EYS: variants seen among roughly 807,000 people sequenced by gnomAD.
EYS encodes the protein protein eyes shut homolog.
A neutral mutation model predicts 282.1 loss-of-function variants in EYS; 250 were observed. The observed-to-expected ratio is 0.89, with a 90% CI of 0.80 to 0.98. EYS has a LOEUF of 0.98. EYS is among the 50% of genes least tolerant of loss of function. The probability of loss-of-function intolerance (pLI) is 0.00; values close to 1 mark genes in which losing one functional copy is unlikely to be tolerated. For missense variants in EYS, 4,016 were observed against 3,709.0 expected, an observed-to-expected ratio of 1.08 and a Z score of -2.15; for synonymous variants, 1,355 against 1,282.9, an observed-to-expected ratio of 1.06 and a Z score of -1.20.
intron 19 of EYS, among the ~76,000 whole-genome samples, chr6:64,845,032 T>C (rs1243297855): frequency 3.3e-5 from 5 of 152,180 alleles, no homozygotes; most frequent in African/African-American, 1.2e-4. Flanking sequence ...CTCACACCTA[T>C]AATCCCAGCA....
intron 15 of EYS, among the ~76,000 whole-genome samples, chr6:64,941,726 C>G (rs1562268289): frequency 6.6e-6 from 1 of 152,066 alleles, no homozygotes; most frequent in Non-Finnish European, 1.5e-5. Flanking sequence ...TTTTATGTTT[C>G]TGTATTAATT....
chr6:64,103,374 T>C (rs532726578), intron 31 of EYS, among the ~76,000 whole-genome samples: 2 of 152,196 alleles, frequency 1.3e-5, no homozygotes, highest in South Asian at 4.1e-4. Context: ...ATCGGAGATA[T>C]ACTAGAAGTA....
intron 35 of EYS, among the ~76,000 whole-genome samples, chr6:63,931,290 C>G (rs191662242): frequency 6.9e-6 from 1 of 144,966 alleles, no homozygotes; most frequent in East Asian, 2.0e-4. Flanking sequence ...GTCAGCACAA[C>G]AGCTCTTTCT....
At chr6:64,425,397 G>A (rs1774369599) in intron 28 of EYS, among the ~76,000 whole-genome samples, 1 of 152,166 alleles carries the variant, frequency 6.6e-6, no homozygotes, top group African/African-American at 2.4e-5. Flanking sequence ...GCTCACGCCT[G>A]TAATCCCAGC....
At chr6:63,814,966 T>G (rs758179663) in intron 36 of EYS, among the ~76,000 whole-genome samples, 5 of 152,206 alleles carry the variant, frequency 3.3e-5, no homozygotes, top group Non-Finnish European at 5.9e-5. Flanking sequence ...ATTCTGGAAC[T>G]GATGTGTTTT....
chr6:64,272,577 C>T (rs1263097806), intron 30 of EYS, among the ~76,000 whole-genome samples: 1 of 152,120 alleles, frequency 6.6e-6, no homozygotes, highest in African/African-American at 2.4e-5. Context: ...AAATTCTTTT[C>T]TTTAAGAATG....
At chr6:64,247,174 T>C (rs1427517539) in intron 30 of EYS, among the ~76,000 whole-genome samples, 1 of 152,126 alleles carries the variant, frequency 6.6e-6, no homozygotes, top group African/African-American at 2.4e-5. Flanking sequence ...TATTCTAAAA[T>C]ACAAGCCACC....
intron 29 of EYS, among the ~76,000 whole-genome samples, chr6:64,331,779 G>A (rs1053772804): frequency 3.3e-5 from 5 of 152,194 alleles, no homozygotes; most frequent in African/African-American, 4.8e-5. Flanking sequence ...GGCCCCCAGG[G>A]ATTCAAGAAA....
At chr6:65,290,453 C>T (rs1283929815) in intron 12 of EYS, among the ~76,000 whole-genome samples, 1 of 151,024 alleles carries the variant, frequency 6.6e-6, no homozygotes, top group African/African-American at 2.4e-5. Flanking sequence ...TAGAATTTTG[C>T]ATATCATTGA....
chr6:65,250,199 A>C (rs1436312793), intron 12 of EYS, among the ~76,000 whole-genome samples: 9 of 152,076 alleles, frequency 5.9e-5, no homozygotes. Flanking sequence ...AAGAGCATCA[A>C]ATCAAACATA....
intron 26 of EYS, among the ~76,000 whole-genome samples, chr6:64,497,108 G>A (rs1337301122): frequency 2.0e-5 from 3 of 152,072 alleles, no homozygotes; most frequent in African/African-American, 7.2e-5. Context: ...AACCATAGGA[G>A]ATGTAGTAAC....
chr6:64,471,456 G>A (rs1415751923), intron 26 of EYS, among the ~76,000 whole-genome samples: 2 of 151,950 alleles, frequency 1.3e-5, no homozygotes, highest in African/African-American at 4.8e-5. Context: ...CAACAAAGAA[G>A]CTGAAAAATT....
chr6:64,509,215 A>T (rs751813767), intron 26 of EYS, among the ~76,000 whole-genome samples: 6 of 152,146 alleles, frequency 3.9e-5, no homozygotes, highest in Non-Finnish European at 7.4e-5. Context: ...TTTAAATTTT[A>T]TATTTAAAAA....
intron 30 of EYS, among the ~76,000 whole-genome samples, chr6:64,286,636 T>G (rs909148031): frequency 6.6e-6 from 1 of 152,144 alleles, no homozygotes; most frequent in Admixed American, 6.6e-5. Context: ...AATAGAAACT[T>G]AAATCATCTT....
chr6:64,324,665 A>C (rs1044082978), intron 29 of EYS, among the ~76,000 whole-genome samples: 1 of 152,200 alleles, frequency 6.6e-6, no homozygotes, highest in Non-Finnish European at 1.5e-5. Flanking sequence ...AAATAGGAAA[A>C]TAAGTCAAAC....
At chr6:64,477,955 T>C (rs1000781041) in intron 26 of EYS, among the ~76,000 whole-genome samples, 18 of 152,196 alleles carry the variant, frequency 1.2e-4, no homozygotes, top group African/African-American at 4.3e-4. Flanking sequence ...ATCTGTAAAA[T>C]AGACCTCTGA....
At chr6:65,329,142 G>T in intron 11 of EYS, 1 of 163,082 alleles carries the variant, frequency 6.1e-6, no homozygotes, top group Non-Finnish European at 1.3e-5. Context: ...AGTATGAAAA[G>T]TCATAAAACC....
intron 22 of EYS, among the ~76,000 whole-genome samples, chr6:64,785,309 T>A (rs1397383410): frequency 6.6e-6 from 1 of 152,206 alleles, no homozygotes. Context: ...TTTTTATGTG[T>A]ATGTACTAAT....
intron 11 of EYS, among the ~76,000 whole-genome samples, chr6:65,319,943 T>C (rs1582138044): frequency 6.6e-6 from 1 of 151,134 alleles, no homozygotes; most frequent in East Asian, 1.9e-4. Flanking sequence ...AGAAAAATTT[T>C]CTGTTTGCCA....
Sources: allele counts gnomAD v4.1 joint callset (sites outside exome capture counted in the v4.1 genomes callset), GRCh38; gene constraint gnomAD v4.1.1; transcripts MANE v1.5; gene names NCBI Gene and HGNC (gene_info 2026-07-23, HGNC 2026-07-21).